Variants in PREPL observed in about 807,000 individuals in gnomAD.
The protein encoded by PREPL is prolyl endopeptidase-like.
Under a neutral mutation model 70.6 loss-of-function variants are expected in PREPL, and 77 were observed. The ratio of observed to expected loss-of-function variants is 1.09; its 90% CI spans 0.91 to 1.32. The LOEUF is 1.32. Ranked by LOEUF, PREPL falls within the 40% of genes most tolerant of loss-of-function variation. PREPL has a pLI of 0.00. For synonymous variants in PREPL, 315 were observed against 264.8 expected (o/e 1.19, Z -1.84); for missense variants, 1,002 against 778.2 (o/e 1.29, Z -3.42).
chr2:44,359,574 G>T lies in PREPL; in HGVS notation c.-49+1806C>A, dbSNP rs749323802. 1.9e-6 allele frequency: 3 copies of T among 1,613,026 alleles called. No individual in the cohort carries two copies. The highest frequency in any genetic ancestry group is 2.5e-6 in the Non-Finnish European group (3 of 1,179,142). Reference sequence around the variant, plus strand: ...GGTTTATTCTGAAGACACTTGGTTAGGTGATATTTTTTCAATTTTATTCTA... The same window carrying T: ...GGTTTATTCTGAAGACACTTGGTTATGTGATATTTTTTCAATTTTATTCTA... On this transcript the variant is annotated intron_variant, in intron 1 of 13. Coordinates refer to ENST00000409411, the MANE Select transcript of PREPL (RefSeq NM_001171613.2).
chr2:44,329,333 G>A (rs1004516931), intron 8 of PREPL, among the ~76,000 whole-genome samples: 1 of 152,124 alleles, frequency 6.6e-6, no homozygotes, highest in East Asian at 1.9e-4. Context: ...GAAAAGAGCA[G>A]CAAGACTGGC....
intron 1 of PREPL, among the ~76,000 whole-genome samples, chr2:44,358,083 A>G (rs1043672837): frequency 6.6e-6 from 1 of 152,196 alleles, no homozygotes; most frequent in African/African-American, 2.4e-5. Context: ...CAAAAATTGA[A>G]CAAAAACTAG....
At chr2:44,341,726 A>G (rs1675243842) in intron 5 of PREPL, among the ~76,000 whole-genome samples, 1 of 151,774 alleles carries the variant, frequency 6.6e-6, no homozygotes, top group Non-Finnish European at 1.5e-5. Context: ...CTTATTACAA[A>G]AAGAAAAAAA....
intron 1 of PREPL, among the ~76,000 whole-genome samples, chr2:44,359,051 T>C (rs551258022): frequency 1.2e-4 from 18 of 149,508 alleles, no homozygotes; most frequent in African/African-American, 4.4e-4. Flanking sequence ...TAGAGCCCTA[T>C]AAATATATGT....
Position 44,320,136 on chromosome 2 carries a change from A to G in PREPL, c.*1220T>C. 2 of 1,422,802 alleles carry G rather than the reference A, an allele frequency of 1.4e-6. No individual in the cohort carries two copies. The highest frequency in any genetic ancestry group is 1.9e-6 in the Non-Finnish European group (2 of 1,032,534). The allele number at this position is 1,422,802 out of a possible 1,614,324, so 88.1% of individuals were successfully genotyped here. ...GGTAAATAACTCCTTACAATATATT[A>G]AAAATACTTACAAACAATTCTTAGA... is the stretch of plus-strand genomic sequence containing the variant. On this transcript the variant is annotated 3_prime_UTR_variant, in exon 14 of 14. Transcript: ENST00000409411.
intron 7 of PREPL, among the ~76,000 whole-genome samples, chr2:44,336,913 TTTC>T (rs1392866933): frequency 6.6e-6 from 1 of 152,140 alleles, no homozygotes; most frequent in Non-Finnish European, 1.5e-5. Flanking sequence ...GCCCTTGTTA[TTTC>T]TTATTTATAC....
Position 44,320,790 on chromosome 2 carries a change from A to G in PREPL, c.*566T>C. 2 of 690,382 alleles carry G rather than the reference A, an allele frequency of 2.9e-6. No individual in the cohort carries two copies. The highest frequency in any genetic ancestry group is 3.4e-5 in the South Asian group (2 of 58,368). The allele number at this position is 690,382 out of a possible 1,614,324, so 42.8% of individuals were successfully genotyped here. A position where few individuals can be genotyped will look rare whatever the true frequency, so the allele number is the denominator to read the frequency against. ...GTAACTGCTTTAAGAAAGGTTCTCAAATGTTTTGAAAAAAATAAAATGTTT... is the reference window on the plus strand; with the variant it reads ...GTAACTGCTTTAAGAAAGGTTCTCAGATGTTTTGAAAAAAATAAAATGTTT... On this transcript the variant is annotated 3_prime_UTR_variant, in exon 14 of 14. Transcript: ENST00000409411.
chr2:44,360,153 C>T (rs988650829), intron 1 of PREPL: 1 of 153,438 alleles, frequency 6.5e-6, no homozygotes, highest in African/African-American at 2.4e-5. Context: ...TTTGGTCTTA[C>T]ATAATTATGA....
intron 1 of PREPL, among the ~76,000 whole-genome samples, chr2:44,351,479 G>C (rs1676431007): frequency 6.7e-6 from 1 of 148,970 alleles, no homozygotes; most frequent in Non-Finnish European, 1.5e-5. Context: ...GTCCGAATCT[G>C]AACTTTAAAT....
chr2:44,322,027 A>C (rs1416471985), intron 12 of PREPL, 127 bp from the exon 13 acceptor site: 22 of 930,924 alleles, frequency 2.4e-5, no homozygotes, highest in Non-Finnish European at 3.1e-5. Flanking sequence ...AAAAGCAAAA[A>C]CCACCATCAT....
chr2:44,336,393 G>T (rs551361172), intron 7 of PREPL, among the ~76,000 whole-genome samples: 2 of 152,264 alleles, frequency 1.3e-5, no homozygotes, highest in African/African-American at 4.8e-5. Context: ...CAGCAACATG[G>T]ATGAAGCTGG....
At position 44,355,152 on chromosome 2, in the gene PREPL, A is replaced by T. The variant is rs142234910; in HGVS notation, c.-49+6228T>A. Among the ~76,000 whole-genome samples, 592 of 152,326 alleles carry T rather than the reference A, an allele frequency of 3.9e-3. 3 individuals carry two copies. Among genetic ancestry groups the T allele is most frequent in the African/African-American group, 0.013 (557 of 41,578 alleles). Reference sequence around the variant, plus strand: ...TTCTCAACAGCCTCCAATCAGTTAAAAAAAATCATTTGTTTTCTAACAGGC... The same window carrying T: ...TTCTCAACAGCCTCCAATCAGTTAATAAAAATCATTTGTTTTCTAACAGGC... On this transcript the variant is annotated intron_variant, in intron 1 of 13. Transcript: ENST00000409411.
chr2:44,348,933 C>G (rs1193217015), intron 1 of PREPL, among the ~76,000 whole-genome samples: 1 of 152,166 alleles, frequency 6.6e-6, no homozygotes, highest in Non-Finnish European at 1.5e-5. Context: ...CTAAAGCCAT[C>G]CATTTTAGCC....
At chr2:44,327,418 G>A (rs555171285) in intron 9 of PREPL, among the ~76,000 whole-genome samples, 1 of 152,284 alleles carries the variant, frequency 6.6e-6, no homozygotes, top group South Asian at 2.1e-4. Context: ...CACGAGTCAG[G>A]AACACAAATG....
At chr2:44,358,543 T>G (rs946836421) in intron 1 of PREPL, among the ~76,000 whole-genome samples, 55 of 152,348 alleles carry the variant, frequency 3.6e-4, no homozygotes, top group African/African-American at 1.3e-3. Context: ...ATAGATCATT[T>G]AATCCTACTT....
chr2:44,340,796 C>T (rs1162187507), intron 5 of PREPL, among the ~76,000 whole-genome samples: 1 of 151,942 alleles, frequency 6.6e-6, no homozygotes, highest in Non-Finnish European at 1.5e-5. Flanking sequence ...GGCATGGTGG[C>T]AGGTGCCTGT....
chr2:44,328,929 T>C lies in PREPL; in HGVS notation c.1262+8A>G. 1 of 1,609,064 alleles carries C rather than the reference T, an allele frequency of 6.2e-7. No individual in the cohort carries two copies. Among genetic ancestry groups the C allele is most frequent in the Non-Finnish European group, 8.5e-7 (1 of 1,178,000 alleles). On this transcript the variant is annotated splice_region_variant and intron_variant, in intron 9 of 13. Transcript: ENST00000409411. ...CACTTACATGCCAGGTAAAATATACTGACTCACCGAACATGGCAGTATGCT... is the reference window on the plus strand; with the variant it reads ...CACTTACATGCCAGGTAAAATATACCGACTCACCGAACATGGCAGTATGCT...
At position 44,323,296 on chromosome 2, in the gene PREPL, T is replaced by C. The variant is rs111438719; in HGVS notation, c.1595A>G (p.Lys532Arg). ...AATATTTTGATAGGGACAGTAACGT[T>C]TTATGTAGTTCTTGTGTTTTTCATC... ...SSDEKHKNYI[K>R]RYCPYQNIKP... is the part of the protein sequence containing the mutation. The change falls in exon 11 of 14, where the codon AAA (lysine) becomes AGA (arginine). Residue 532 changes from lysine to arginine, a missense_variant. Transcript: ENST00000409411. 1,665 of 1,607,868 alleles carry C rather than the reference T, an allele frequency of 1.0e-3. 2 individuals carry two copies. The highest frequency in any genetic ancestry group is 6.9e-3 in the Middle Eastern group (42 of 6,048).
Position 44,318,116 on chromosome 2 carries a change from A to C in PREPL, c.*3240T>G, listed in dbSNP as rs1205127840. The C allele has an allele frequency of 6.9e-6, 3 of 435,056 alleles. No individual in the cohort carries two copies. Among genetic ancestry groups the C allele is most frequent in the African/African-American group, 2.1e-5 (1 of 46,796 alleles). 26.9% of individuals were successfully genotyped at this position (435,056 alleles called of 1,614,324 possible). A position where few individuals can be genotyped will look rare whatever the true frequency, so the allele number is the denominator to read the frequency against. ...CACTGTTTTTTTTTTTTTTTGAGAC[A>C]GTCTTGCTCCGTCACCCATGCTCGA... On this transcript the variant is annotated 3_prime_UTR_variant, in exon 14 of 14. Coordinates refer to ENST00000409411, the MANE Select transcript of PREPL (RefSeq NM_001171613.2).
Sources: allele counts gnomAD v4.1 joint callset (sites outside exome capture counted in the v4.1 genomes callset), GRCh38; gene constraint gnomAD v4.1.1; transcripts MANE v1.5; gene names NCBI Gene and HGNC (gene_info 2026-07-23, HGNC 2026-07-21).